The following IL1RAPL2 variants were observed in gnomAD, a reference collection of about 807,000 sequenced individuals.
IL1RAPL2 encodes the protein interleukin 1 receptor accessory protein like 2.
IL1RAPL2 carries 3 observed loss-of-function variants against 44.1 expected under a neutral mutation model. The observed-to-expected ratio is 0.07, with a 90% CI of 0.03 to 0.18. The LOEUF is 0.18. Among genes scored for constraint, IL1RAPL2 ranks in the 10% least tolerant of loss-of-function variants. IL1RAPL2 has a pLI of 1.00. For missense variants in IL1RAPL2, 391 were observed against 496.4 expected (o/e 0.79, Z 2.02); for synonymous variants, 181 against 178.8 (o/e 1.01, Z -0.10).
chrX:105,069,014 G>A, intron 2 of IL1RAPL2, among the ~76,000 whole-genome samples: 1 of 112,062 alleles, frequency 8.9e-6, no homozygotes, highest in Non-Finnish European at 1.9e-5. Flanking sequence ...ATTGCTCCCT[G>A]GCCTGTTCCC....
chrX:105,628,709 T>G (rs1334618397), intron 6 of IL1RAPL2, among the ~76,000 whole-genome samples: 1 of 112,062 alleles, frequency 8.9e-6, no homozygotes, highest in Non-Finnish European at 1.9e-5. Flanking sequence ...CCAAGGCAGG[T>G]GGATCACTTG....
chrX:105,440,055 G>T (rs983911910), intron 5 of IL1RAPL2, among the ~76,000 whole-genome samples: 20 of 111,652 alleles, frequency 1.8e-4, no homozygotes, highest in Middle Eastern at 4.6e-3. Context: ...TCATATACCA[G>T]CTCAGAAAAC....
intron 2 of IL1RAPL2, among the ~76,000 whole-genome samples, chrX:105,166,200 G>A (rs1406966451): frequency 9.0e-6 from 1 of 111,661 alleles, no homozygotes; most frequent in East Asian, 2.8e-4. Context: ...ATCACCACAA[G>A]TACTTATTTA....
intron 2 of IL1RAPL2, among the ~76,000 whole-genome samples, chrX:105,073,832 A>G (rs1282238886): frequency 8.9e-6 from 1 of 111,856 alleles, no homozygotes; most frequent in Non-Finnish European, 1.9e-5. Context: ...GGCTGCATAA[A>G]TGTCTTCTTT....
chrX:105,329,584 G>A (rs1173547116), intron 5 of IL1RAPL2, among the ~76,000 whole-genome samples: 1 of 111,743 alleles, frequency 8.9e-6, no homozygotes, highest in Non-Finnish European at 1.9e-5. Context: ...GAACAGGTGG[G>A]ATAAAAACTT....
intron 6 of IL1RAPL2, among the ~76,000 whole-genome samples, chrX:105,559,993 G>A (rs749766757): frequency 2.6e-3 from 288 of 111,746 alleles, no homozygotes; most frequent in Non-Finnish European, 4.6e-3. Context: ...TTGAGACTGG[G>A]TGGAGCACCA....
At position 105,073,306 on chromosome X, in the gene IL1RAPL2, G is replaced by C. The variant is rs772611055; in HGVS notation, c.83-122169G>C. Among the ~76,000 whole-genome samples, 795 of 94,750 alleles carry C rather than the reference G, an allele frequency of 8.4e-3. 15 individuals are homozygous for C. The highest frequency in any genetic ancestry group is 0.029 in the African/African-American group (747 of 25,360). The allele number at this position is 94,750 out of a possible 115,157, so 82.3% of individuals were successfully genotyped here. A position where few individuals can be genotyped will look rare whatever the true frequency, so the allele number is the denominator to read the frequency against. ...GAGAACATGCGGTGTTTGGTTTTTTGTCCTTGCGATAGTTTGCTGAGAATG... is the reference window on the plus strand; with the variant it reads ...GAGAACATGCGGTGTTTGGTTTTTTCTCCTTGCGATAGTTTGCTGAGAATG... On this transcript the variant is annotated intron_variant, in intron 2 of 10. Coordinates refer to ENST00000372582, the MANE Select transcript of IL1RAPL2 (RefSeq NM_017416.2).
chrX:105,538,017 T>C (rs1352994225), intron 6 of IL1RAPL2, among the ~76,000 whole-genome samples: 3 of 107,169 alleles, frequency 2.8e-5, no homozygotes, highest in African/African-American at 6.9e-5. Flanking sequence ...TTTTCTGCAA[T>C]GCTAATTTTC....
chrX:105,307,604 A>G (rs1296053665), intron 5 of IL1RAPL2, among the ~76,000 whole-genome samples: 1 of 46,876 alleles, frequency 2.1e-5, no homozygotes, highest in African/African-American at 1.3e-4. Flanking sequence ...TATATATATT[A>G]TATATAATAT....
chrX:105,182,431 T>C (rs781959165), intron 2 of IL1RAPL2, among the ~76,000 whole-genome samples: 4 of 112,175 alleles, frequency 3.6e-5, no homozygotes, highest in African/African-American at 1.3e-4. Context: ...AAATCTGTTT[T>C]ATATGATGAA....
At chrX:105,680,223 T>A (rs1171215452) in intron 6 of IL1RAPL2, among the ~76,000 whole-genome samples, 5 of 111,680 alleles carry the variant, frequency 4.5e-5, no homozygotes, top group Non-Finnish European at 9.4e-5. Flanking sequence ...ATGGTCTAGA[T>A]CTCCTGACCT....
chrX:104,936,262 C>T (rs1381737288), intron 2 of IL1RAPL2, among the ~76,000 whole-genome samples: 2 of 111,839 alleles, frequency 1.8e-5, no homozygotes, highest in African/African-American at 3.3e-5. Flanking sequence ...TGGATTATGA[C>T]CCATTCCTGG....
At chrX:105,372,005 C>A (rs1322411177) in intron 5 of IL1RAPL2, among the ~76,000 whole-genome samples, 1 of 111,735 alleles carries the variant, frequency 8.9e-6, no homozygotes, top group Non-Finnish European at 1.9e-5. Context: ...AAATTCATTT[C>A]TCTTCATGCC....
At chrX:105,174,129 C>G (rs1178433372) in intron 2 of IL1RAPL2, among the ~76,000 whole-genome samples, 2 of 111,240 alleles carry the variant, frequency 1.8e-5, no homozygotes, top group Non-Finnish European at 3.8e-5. Flanking sequence ...GCCTCTAATC[C>G]TTTCCTATGA....
intron 7 of IL1RAPL2, among the ~76,000 whole-genome samples, chrX:105,723,018 C>T (rs1340379322): frequency 9.0e-6 from 1 of 111,665 alleles, no homozygotes; most frequent in Non-Finnish European, 1.9e-5. Flanking sequence ...GAGAATGTCC[C>T]AAATCTTTAA....
chrX:104,856,205 T>G (rs1325753046), intron 2 of IL1RAPL2, among the ~76,000 whole-genome samples: 3 of 112,183 alleles, frequency 2.7e-5, no homozygotes, highest in African/African-American at 9.7e-5. Flanking sequence ...CCAAGAAGAC[T>G]GAAGCAAATA....
intron 2 of IL1RAPL2, among the ~76,000 whole-genome samples, chrX:105,129,003 A>AT (rs779318013): frequency 6.3e-5 from 7 of 110,939 alleles, no homozygotes; most frequent in Admixed American, 2.9e-4. Context: ...AAACATCTAA[A>AT]TTTTTTCCAA....
intron 2 of IL1RAPL2, among the ~76,000 whole-genome samples, chrX:105,172,747 A>C (rs1301115523): frequency 8.9e-6 from 1 of 111,792 alleles, no homozygotes; most frequent in Non-Finnish European, 1.9e-5. Flanking sequence ...ACTGAGCCAT[A>C]TAATGTAACA....
At chrX:104,625,470 T>C (rs1929485382) in intron 1 of IL1RAPL2, among the ~76,000 whole-genome samples, 2 of 111,796 alleles carry the variant, frequency 1.8e-5, no homozygotes, top group South Asian at 3.7e-4. Context: ...ATTATAATAA[T>C]GTAAGTATTT....
Sources: allele counts gnomAD v4.1 joint callset (sites outside exome capture counted in the v4.1 genomes callset), GRCh38; gene constraint gnomAD v4.1.1; transcripts MANE v1.5; gene names NCBI Gene and HGNC (gene_info 2026-07-23, HGNC 2026-07-21).